GRIP2: variants seen among roughly 807,000 people sequenced by gnomAD.
The protein encoded by GRIP2 is glutamate receptor interacting protein 2, also known as glutamate receptor-interacting protein 2.
Under a neutral mutation model 108.3 loss-of-function variants are expected in GRIP2, and 58 were observed. The observed-to-expected ratio is 0.54, with a 90% CI of 0.43 to 0.67. The LOEUF (loss-of-function observed/expected upper bound fraction) is 0.67. Among genes scored for constraint, GRIP2 ranks in the 30% least tolerant of loss-of-function variants. The pLI is 0.00. For synonymous variants in GRIP2, 586 were observed against 598.2 expected (o/e 0.98, Z 0.30); for missense variants, 1,278 against 1,430.6 (o/e 0.89, Z 1.72).
chr3:14,514,513 C>T (rs55815221), intron 11 of GRIP2, 35 bp from the exon 12 acceptor site: 83,687 of 1,499,296 alleles, frequency 0.056, 2,712 homozygotes, highest in Middle Eastern at 0.075. Context: ...TCAGGTGAGC[C>T]GCCCCACGGA....
intron 4 of GRIP2, chr3:14,524,116 T>TTAAAA: frequency 1.8e-6 from 1 of 542,554 alleles, no homozygotes; most frequent in Non-Finnish European, 3.3e-6. Flanking sequence ...AACGACTTAT[T>TTAAAA]CAGCTAATGC....
At chr3:14,513,850 ACAGGT>A (rs1694170781) in intron 12 of GRIP2, 40 bp from the exon 13 acceptor site, 2 of 1,603,672 alleles carry the variant, frequency 1.2e-6, no homozygotes. Flanking sequence ...AGGCTCCGTG[ACAGGT>A]CCATTGGGAG....
chr3:14,564,977 A>G, the GRIP2 span, among the ~76,000 whole-genome samples: 1 of 152,318 alleles, frequency 6.6e-6, no homozygotes, highest in South Asian at 2.1e-4. Context: ...GTGATTCAAT[A>G]GAGCAAACAC....
chr3:14,531,345 CCTTA>C (rs1242395673), intron 1 of GRIP2, among the ~76,000 whole-genome samples: 2 of 152,210 alleles, frequency 1.3e-5, no homozygotes, highest in African/African-American at 2.4e-5. Flanking sequence ...CTGAGGTTGT[CCTTA>C]CTTTCCTGTG....
chr3:14,524,652 A>C, intron 3 of GRIP2, 114 bp from the exon 4 acceptor site: 4 of 1,214,126 alleles, frequency 3.3e-6, no homozygotes, highest in African/African-American at 1.5e-5. Context: ...CATTTCACAA[A>C]TGGGGAAGCT....
the GRIP2 span, among the ~76,000 whole-genome samples, chr3:14,577,594 G>C: frequency 4.6e-5 from 7 of 152,168 alleles, no homozygotes; most frequent in African/African-American, 1.7e-4. Context: ...GCTCAAGGTT[G>C]CTCATTCAAT....
the GRIP2 span, among the ~76,000 whole-genome samples, chr3:14,571,831 A>C: frequency 6.6e-6 from 1 of 152,156 alleles, no homozygotes; most frequent in Non-Finnish European, 1.5e-5. Context: ...ACACAGCAAG[A>C]GTTGAGAATC....
At chr3:14,533,379 T>C (rs980721485) in intron 1 of GRIP2, among the ~76,000 whole-genome samples, 2 of 152,178 alleles carry the variant, frequency 1.3e-5, no homozygotes, top group Admixed American at 6.5e-5. Context: ...AGAGATAAGC[T>C]TGCTAGCTCC....
At chr3:14,545,044 C>T (rs1274385107), upstream of GRIP2, among the ~76,000 whole-genome samples, 1 of 152,226 alleles carries the variant, frequency 6.6e-6, no homozygotes, top group Admixed American at 6.5e-5. Context: ...TGCCAGCCTA[C>T]AGGAAAACAC....
In GRIP2 at chr3:14,496,540, G is replaced by T; in HGVS notation, c.2700C>A (p.Thr900=). The T allele has an allele frequency of 6.2e-7, 1 of 1,606,478 alleles. No individual in the cohort carries two copies. The highest frequency in any genetic ancestry group is 8.5e-7 in the Non-Finnish European group (1 of 1,176,776). The change falls in exon 22 of 24, where the codon ACC becomes ACA. Residue 900 remains threonine (T), a synonymous_variant. Transcript: ENST00000621039. ...TGCCCTCGAGGGCCACCCTCTGCAC[G>T]GTGCCCGTCATGATGGATGCCTGCA... ...RELEASIMTG[T]VQRVALEGRP...
At chr3:14,549,105 C>T (rs1021333998) in intron 1 of GRIP2, among the ~76,000 whole-genome samples, 1 of 152,200 alleles carries the variant, frequency 6.6e-6, no homozygotes, top group South Asian at 2.1e-4. Flanking sequence ...CCCAGGGCAG[C>T]GTTGTGCACA....
At chr3:14,562,124 T>C in the GRIP2 span, among the ~76,000 whole-genome samples, 1 of 152,164 alleles carries the variant, frequency 6.6e-6, no homozygotes, top group East Asian at 1.9e-4. Context: ...AGTACAGAAG[T>C]TGATGTTGCC....
At chr3:14,550,396 C>T (rs543897625) in intron 1 of GRIP2, among the ~76,000 whole-genome samples, 2 of 152,358 alleles carry the variant, frequency 1.3e-5, no homozygotes, top group Admixed American at 6.5e-5. Flanking sequence ...CTCTCAGTCC[C>T]ACTGTGTCAA....
the GRIP2 span, among the ~76,000 whole-genome samples, chr3:14,562,657 C>CT: frequency 2.6e-5 from 4 of 152,038 alleles, no homozygotes; most frequent in Non-Finnish European, 4.4e-5. Flanking sequence ...GGAAAACCAC[C>CT]TTTTTGCAAT....
At position 14,491,470 on chromosome 3, in the gene GRIP2, G is replaced by A. The variant is rs571693357; in HGVS notation, c.*2195C>T. On this transcript the variant is annotated 3_prime_UTR_variant, in exon 24 of 24. Coordinates refer to ENST00000621039, the MANE Select transcript of GRIP2 (RefSeq NM_001080423.4). ...CATAGGCAGGCAGGGCGCTCACTGG[G>A]GAAAGGTGTCAGGAAATTTCAAGTC... 1 of 152,340 alleles carries A rather than the reference G, an allele frequency of 6.6e-6. No homozygotes were observed. Among genetic ancestry groups the A allele is most frequent in the Admixed American group, 6.5e-5 (1 of 15,306 alleles). 9.4% of individuals were successfully genotyped at this position (152,340 alleles called of 1,614,324 possible). A position where few individuals can be genotyped will look rare whatever the true frequency, so the allele number is the denominator to read the frequency against.
upstream of GRIP2, among the ~76,000 whole-genome samples, chr3:14,545,549 G>A (rs1176813590): frequency 6.6e-6 from 1 of 152,236 alleles, no homozygotes; most frequent in African/African-American, 2.4e-5. Context: ...AGCTCCCAGG[G>A]GCTCCCTCTT....
At chr3:14,583,731 G>A in the GRIP2 span, among the ~76,000 whole-genome samples, 1 of 152,200 alleles carries the variant, frequency 6.6e-6, no homozygotes, top group Non-Finnish European at 1.5e-5. Flanking sequence ...ACTGCCTGCC[G>A]GGATCCGGGT....
the GRIP2 span, among the ~76,000 whole-genome samples, chr3:14,578,511 G>A: frequency 6.6e-6 from 1 of 152,136 alleles, no homozygotes; most frequent in Admixed American, 6.5e-5. Flanking sequence ...GAGGTCAGGA[G>A]CTCAAGACCA....
rs1694406134 is a variant in GRIP2 at position 14,521,495 on chromosome 3, AC to A, written c.712+146del. On this transcript the variant is annotated intron_variant, in intron 7 of 23. Transcript: ENST00000621039. The surrounding 1 kb of genome is among the most constrained non-coding windows in gnomAD (Gnocchi z 5.1). ...GCACATCAAACAATGCCTAGCACATACTATTTACTGCCCAGAGAAGCTGTGA... is the reference window on the plus strand; with the variant it reads ...GCACATCAAACAATGCCTAGCACATATATTTACTGCCCAGAGAAGCTGTGA... 1.2e-6 allele frequency: 1 copy of A among 812,886 alleles called. No homozygotes were observed. The highest frequency in any genetic ancestry group is 1.9e-6 in the Non-Finnish European group (1 of 525,832). 50.4% of individuals were successfully genotyped at this position (812,886 alleles called of 1,614,324 possible).
Sources: allele counts gnomAD v4.1 joint callset (sites outside exome capture counted in the v4.1 genomes callset), GRCh38; gene constraint gnomAD v4.1.1; non-coding constraint Gnocchi (gnomAD v3.1); transcripts MANE v1.5; gene names NCBI Gene and HGNC (gene_info 2026-07-23, HGNC 2026-07-21).